Variants in ANKRD28 observed in about 807,000 individuals in gnomAD.
ANKRD28 encodes the protein serine/threonine-protein phosphatase 6 regulatory ankyrin repeat subunit A.
Under a neutral mutation model 126.5 loss-of-function variants are expected in ANKRD28, and 44 were observed. The ratio of observed to expected loss-of-function variants is 0.35; its 90% CI spans 0.27 to 0.45. The LOEUF is 0.45. ANKRD28 is among the 20% of genes least tolerant of loss of function. The pLI is 1.00. For missense variants in ANKRD28, 1,110 were observed against 1,316.6 expected, an observed-to-expected ratio of 0.84 and a Z score of 2.43; for synonymous variants, 442 against 468.5, an observed-to-expected ratio of 0.94 and a Z score of 0.73.
intron 21 of ANKRD28, among the ~76,000 whole-genome samples, chr3:15,680,030 C>A (rs893762410): frequency 2.6e-5 from 4 of 152,034 alleles, no homozygotes; most frequent in African/African-American, 7.3e-5. Context: ...GGGACTTGAG[C>A]GCCTGTTGGT....
At chr3:15,691,562 G>T (rs183700127) in intron 17 of ANKRD28, among the ~76,000 whole-genome samples, 85 of 152,294 alleles carry the variant, frequency 5.6e-4, no homozygotes, top group African/African-American at 1.9e-3. Context: ...AAACTTCAAA[G>T]GACTATAATG....
At chr3:15,784,596 T>C (rs2059687239) in intron 2 of ANKRD28, among the ~76,000 whole-genome samples, 2 of 49,318 alleles carry the variant, frequency 4.1e-5, no homozygotes, top group Admixed American at 4.7e-4. Context: ...AGAAGAAGAA[T>C]GGACGACCAA....
intron 1 of ANKRD28, among the ~76,000 whole-genome samples, chr3:15,803,560 T>C (rs962781418): frequency 6.1e-5 from 9 of 148,634 alleles, no homozygotes; most frequent in African/African-American, 1.8e-4. Context: ...GAGGCTGTAA[T>C]GAGCTGAGAT....
chr3:15,715,463 A>G (rs749167931), intron 8 of ANKRD28, among the ~76,000 whole-genome samples: 1 of 152,254 alleles, frequency 6.6e-6, no homozygotes, highest in Non-Finnish European at 1.5e-5. Flanking sequence ...TTAGAACATC[A>G]TAAGTATCTA....
chr3:15,744,376 C>T (rs566651702), intron 4 of ANKRD28, among the ~76,000 whole-genome samples: 18 of 151,822 alleles, frequency 1.2e-4, no homozygotes, highest in Non-Finnish European at 2.1e-4. Flanking sequence ...CGCAATGGCG[C>T]GATCTTGGCT....
At chr3:15,752,872 G>T (rs1202230509) in intron 3 of ANKRD28, among the ~76,000 whole-genome samples, 1 of 152,186 alleles carries the variant, frequency 6.6e-6, no homozygotes, top group Non-Finnish European at 1.5e-5. Context: ...GTAGCTCTGG[G>T]TCCCTAAGTA....
intron 1 of ANKRD28, among the ~76,000 whole-genome samples, chr3:15,856,025 T>C (rs1467565757): frequency 6.6e-6 from 1 of 152,238 alleles, no homozygotes; most frequent in Non-Finnish European, 1.5e-5. Flanking sequence ...TTTTGTAGTT[T>C]TGTTTTTTCA....
intron 1 of ANKRD28, among the ~76,000 whole-genome samples, chr3:15,803,643 TA>T (rs2125860397): frequency 6.6e-6 from 1 of 151,498 alleles, no homozygotes; most frequent in South Asian, 2.1e-4. Flanking sequence ...AAATATATTT[TA>T]GAAATAGGAT....
rs2060790745 is a variant in ANKRD28 at position 15,814,437 on chromosome 3, T to TG, written c.28-19132dup. On this transcript the variant is annotated intron_variant, in intron 1 of 27. Coordinates refer to the ANKRD28 transcript ENST00000399451. This position sits in a 1 kb window ranked among gnomAD's most constrained non-coding sequence, Gnocchi z 4.7. Reference sequence around the variant, plus strand: ...TTGGATAATATTCAAAAACTTACTTTGGATTTTATTAATTCAGAATTTACT... The same window carrying TG: ...TTGGATAATATTCAAAAACTTACTTTGGGATTTTATTAATTCAGAATTTACT... The TG allele has an allele frequency of 3.0e-6, 1 of 332,732 alleles. No homozygotes were observed. Among genetic ancestry groups the TG allele is most frequent in the African/African-American group, 2.2e-5 (1 of 44,954 alleles). The allele number at this position is 332,732 out of a possible 1,614,324, so 20.6% of individuals were successfully genotyped here.
At chr3:15,696,956 G>T (rs1287820469) in intron 14 of ANKRD28, among the ~76,000 whole-genome samples, 1 of 152,178 alleles carries the variant, frequency 6.6e-6, no homozygotes, top group Non-Finnish European at 1.5e-5. Context: ...CAGGGGAAAA[G>T]AAGTCATTAT....
chr3:15,827,745 T>G (rs374314147), intron 1 of ANKRD28, among the ~76,000 whole-genome samples: 1 of 152,194 alleles, frequency 6.6e-6, no homozygotes, highest in Non-Finnish European at 1.5e-5. Context: ...AATTGGACTT[T>G]GTCAAAGTTT....
In ANKRD28 at chr3:15,817,964, GAAC is replaced by G. The variant is rs2060867166; in HGVS notation, c.28-22661_28-22659del. 6.6e-6 allele frequency among the ~76,000 whole-genome samples: 1 copy of G among 151,936 alleles called. No homozygotes were observed. On this transcript the variant is annotated intron_variant, in intron 1 of 27. Coordinates refer to the ANKRD28 transcript ENST00000399451. This position sits in a 1 kb window ranked among gnomAD's most constrained non-coding sequence, Gnocchi z 4.5. ...ATTGCTGTTTCTACATACTACCAATGAACAACTGGAAATCAAAACAAAAAGCAG... is the reference window on the plus strand; with the variant it reads ...ATTGCTGTTTCTACATACTACCAATGAACTGGAAATCAAAACAAAAAGCAG...
At chr3:15,698,337 G>C (rs184609313) in intron 14 of ANKRD28, among the ~76,000 whole-genome samples, 97 of 152,244 alleles carry the variant, frequency 6.4e-4, no homozygotes, top group Non-Finnish European at 1.1e-3. Flanking sequence ...CACAAGACAG[G>C]GATGCCCTCT....
At chr3:15,741,865 T>TCA (rs1559449192) in intron 4 of ANKRD28, among the ~76,000 whole-genome samples, 1 of 151,978 alleles carries the variant, frequency 6.6e-6, no homozygotes. Context: ...GCCTGCCGAG[T>TCA]GCCTGCGATT....
chr3:15,678,621 A>G (rs1343037040), intron 23 of ANKRD28, among the ~76,000 whole-genome samples: 2 of 152,216 alleles, frequency 1.3e-5, no homozygotes, highest in Non-Finnish European at 2.9e-5. Flanking sequence ...ACATTACATC[A>G]TTAAAGGAAA....
chr3:15,851,920 T>C (rs1424052937), intron 1 of ANKRD28, among the ~76,000 whole-genome samples: 1 of 152,190 alleles, frequency 6.6e-6, no homozygotes, highest in African/African-American at 2.4e-5. Flanking sequence ...GGTATATCCA[T>C]ACAATGGAAT....
intron 4 of ANKRD28, among the ~76,000 whole-genome samples, chr3:15,738,228 G>C (rs1448595300): frequency 2.0e-5 from 3 of 152,138 alleles, no homozygotes; most frequent in African/African-American, 7.2e-5. Context: ...CGGCTGGTCT[G>C]AGAAATAAAG....
intron 3 of ANKRD28, among the ~76,000 whole-genome samples, chr3:15,762,601 T>C (rs2058547085): frequency 6.6e-6 from 1 of 152,192 alleles, no homozygotes. Flanking sequence ...AGTCATTCCT[T>C]CCTCTTTATC....
chr3:15,831,961 T>C (rs1347333729), intron 1 of ANKRD28, among the ~76,000 whole-genome samples: 2 of 152,342 alleles, frequency 1.3e-5, no homozygotes, highest in East Asian at 1.9e-4. Flanking sequence ...TAACCCCCAG[T>C]AGTTTTTAAA....
Sources: allele counts gnomAD v4.1 joint callset (sites outside exome capture counted in the v4.1 genomes callset), GRCh38; gene constraint gnomAD v4.1.1; non-coding constraint Gnocchi (gnomAD v3.1); transcripts MANE v1.5; gene names NCBI Gene and HGNC (gene_info 2026-07-23, HGNC 2026-07-21).